Variants in THSD4 observed in about 807,000 individuals in gnomAD.
THSD4 encodes thrombospondin type 1 domain containing 4.
In THSD4, 69 loss-of-function variants were observed where a neutral mutation model predicts 119.0. That is an observed-to-expected ratio of 0.58 (90% confidence interval 0.48 to 0.71). THSD4 has a LOEUF of 0.71. Among genes scored for constraint, THSD4 ranks in the 30% least tolerant of loss-of-function variants. THSD4 has a pLI of 0.00. For synonymous variants in THSD4, 524 were observed against 540.4 expected (o/e 0.97, Z 0.42); for missense variants, 1,393 against 1,391.1 (o/e 1.00, Z -0.02).
intron 7 of THSD4, among the ~76,000 whole-genome samples, chr15:71,529,311 G>T (rs978667594): frequency 1.3e-5 from 2 of 152,180 alleles, no homozygotes; most frequent in African/African-American, 4.8e-5. Context: ...TTGCCTTAAC[G>T]AATAAACTTG....
chr15:71,736,782 T>C (rs1035055351), intron 10 of THSD4, among the ~76,000 whole-genome samples: 1 of 152,242 alleles, frequency 6.6e-6, no homozygotes, highest in Non-Finnish European at 1.5e-5. Flanking sequence ...TTTGCACTCT[T>C]GGAAGGGAAA....
intron 7 of THSD4, among the ~76,000 whole-genome samples, chr15:71,563,413 A>G (rs956385492): frequency 6.6e-6 from 1 of 152,148 alleles, no homozygotes; most frequent in South Asian, 2.1e-4. Flanking sequence ...TAAAATCACA[A>G]ATATCATTGA....
At chr15:71,334,892 A>G (rs2045471967) in intron 6 of THSD4, among the ~76,000 whole-genome samples, 1 of 152,224 alleles carries the variant, frequency 6.6e-6, no homozygotes. Flanking sequence ...AATCCGTTAC[A>G]AAATCTGCTT....
At position 71,687,892 on chromosome 15, in the gene THSD4, C is replaced by T. The variant is rs183508574; in HGVS notation, c.1357+27158C>T. 3.2e-4 allele frequency among the ~76,000 whole-genome samples: 49 copies of T among 152,124 alleles called. 1 individual carries two copies. Among genetic ancestry groups the T allele is most frequent in the Non-Finnish European group, 5.9e-4 (40 of 67,996 alleles). On this transcript the variant is annotated intron_variant, in intron 8 of 17. Transcript: ENST00000261862. ...CAATATGCAAATTAACCTGTTTGTTCATTTTTTCTCATTTATTCATTCATT... is the reference window on the plus strand; with the variant it reads ...CAATATGCAAATTAACCTGTTTGTTTATTTTTTCTCATTTATTCATTCATT...
chr15:71,162,932 G>A (rs2043260393), intron 3 of THSD4, among the ~76,000 whole-genome samples: 2 of 151,668 alleles, frequency 1.3e-5, no homozygotes, highest in African/African-American at 4.8e-5. Context: ...TTAATTGTAT[G>A]TTTTAATTCA....
chr15:71,556,340 C>G (rs1277408418), intron 7 of THSD4, among the ~76,000 whole-genome samples: 1 of 152,084 alleles, frequency 6.6e-6, no homozygotes, highest in Non-Finnish European at 1.5e-5. Context: ...ATTTTCTACA[C>G]AAAGGTCTTA....
chr15:71,172,710 TATATATA>T (rs1410701810), intron 3 of THSD4, among the ~76,000 whole-genome samples: 2 of 115,042 alleles, frequency 1.7e-5, no homozygotes, highest in Admixed American at 8.0e-5. Context: ...TATATATATA[TATATATA>T]TATATATATA....
At chr15:71,114,277 G>C (rs1261239058), upstream of THSD4, among the ~76,000 whole-genome samples, 1 of 151,088 alleles carries the variant, frequency 6.6e-6, no homozygotes, top group East Asian at 1.9e-4. Flanking sequence ...CTGCTCCCAC[G>C]AAGCGCTCTG....
chr15:71,633,741 C>T (rs1308433484), intron 7 of THSD4, among the ~76,000 whole-genome samples: 2 of 152,174 alleles, frequency 1.3e-5, no homozygotes, highest in Non-Finnish European at 2.9e-5. Context: ...GCTAGACTGG[C>T]AGTTAAATAA....
intron 7 of THSD4, among the ~76,000 whole-genome samples, chr15:71,533,789 G>A (rs975526120): frequency 3.3e-5 from 5 of 152,168 alleles, no homozygotes; most frequent in Non-Finnish European, 7.3e-5. Flanking sequence ...AACTCAACCT[G>A]CCATTGCTAG....
At chr15:71,111,078 A>G, upstream of THSD4, 1 of 1,492,862 alleles carries the variant, frequency 6.7e-7, no homozygotes, top group Admixed American at 2.1e-5. Context: ...ATCATTTGCA[A>G]AGAGGAAAAG....
chr15:71,242,774 G>T lies in THSD4; in HGVS notation c.590G>T (p.Arg197Leu). The change falls in exon 5 of 18, where the codon CGC (arginine) becomes CTC (leucine). Residue 197 changes from arginine to leucine, a missense_variant. Coordinates refer to ENST00000261862, the MANE Select transcript of THSD4 (RefSeq NM_024817.3). ...QRLRRQKLSS[R>L]HSRSQGASSA... ...CTCCGGAGACAGAAGCTCTCATCCC[G>T]CCATTCCAGGTCCCAGGGAGCATCT... is the stretch of plus-strand genomic sequence containing the variant. 6.2e-7 allele frequency: 1 copy of T among 1,614,112 alleles called. No homozygotes were observed. The highest frequency in any genetic ancestry group is 1.1e-5 in the South Asian group (1 of 91,076).
intron 7 of THSD4, among the ~76,000 whole-genome samples, chr15:71,498,415 G>A (rs767726040): frequency 3.3e-5 from 5 of 152,198 alleles, no homozygotes; most frequent in Admixed American, 6.5e-5. Flanking sequence ...GTGCTTGGGT[G>A]TTGATAATGT....
At chr15:71,411,541 CT>C in intron 6 of THSD4, 145 bp from the exon 7 acceptor site, 2 of 786,250 alleles carry the variant, frequency 2.5e-6, no homozygotes, top group Non-Finnish European at 3.9e-6. Flanking sequence ...ACTTATTGAA[CT>C]GTATAGTTGG....
intron 7 of THSD4, among the ~76,000 whole-genome samples, chr15:71,534,409 G>T (rs8039746): frequency 0.074 from 11,198 of 152,150 alleles, 1,362 homozygotes; most frequent in African/African-American, 0.25. Context: ...TGTATCTTTG[G>T]TTACTATTAA....
rs563365969 is a variant in THSD4, at chr15:71,779,788, G to C, written c.*2414G>C. 6.6e-6 allele frequency: 1 copy of C among 151,590 alleles called. No homozygotes were observed. The highest frequency in any genetic ancestry group is 1.9e-4 in the East Asian group (1 of 5,154). The allele number at this position is 151,590 out of a possible 1,614,324, so 9.4% of individuals were successfully genotyped here. A position where few individuals can be genotyped will look rare whatever the true frequency, so the allele number is the denominator to read the frequency against. ...GCCTGCCAACTGTGCAATTGAAGAA[G>C]ACCCGATGGATCAACCCCATGTCTC... On this transcript the variant is annotated 3_prime_UTR_variant, in exon 18 of 18. Transcript: ENST00000261862.
rs2043920698 is a variant in THSD4 at position 71,215,134 on chromosome 15, C to T, written c.199C>T (p.Arg67Cys). The T allele has an allele frequency of 1.5e-6, 2 of 1,369,750 alleles. No homozygotes were observed. The highest frequency in any genetic ancestry group is 1.5e-5 in the African/African-American group (1 of 65,862). 84.8% of individuals were successfully genotyped at this position (1,369,750 alleles called of 1,614,324 possible). Residue 67 changes from arginine (R) to cysteine (C), a missense_variant, in exon 4 of 18, where the codon CGT (arginine) becomes TGT (cysteine). Coordinates refer to ENST00000261862, the MANE Select transcript of THSD4 (RefSeq NM_024817.3). ...CTGGGGCCCCTGGTCGGCCTGCTCG[C>T]GTAGCTGCAGCGGCGGCGTGATGGA... Reference protein sequence around the residue: ...GAWGPWSACSRSCSGGVMEQT... With the variant: ...GAWGPWSACSCSCSGGVMEQT...
At chr15:71,516,655 G>A (rs6494941) in intron 7 of THSD4, among the ~76,000 whole-genome samples, 129,670 of 152,210 alleles carry the variant, frequency 0.85, 55,338 homozygotes, top group East Asian at 0.88. Flanking sequence ...ACATCTGTGT[G>A]CCACCTGTAC....
intron 4 of THSD4, among the ~76,000 whole-genome samples, chr15:71,216,199 A>G (rs2043931097): frequency 1.3e-5 from 2 of 151,762 alleles, no homozygotes; most frequent in African/African-American, 4.8e-5. Context: ...AACAGTAACA[A>G]AAAACAAATA....
Sources: allele counts gnomAD v4.1 joint callset (sites outside exome capture counted in the v4.1 genomes callset), GRCh38; gene constraint gnomAD v4.1.1; transcripts MANE v1.5; gene names NCBI Gene and HGNC (gene_info 2026-07-23, HGNC 2026-07-21).